The following DOCK1 variants were observed in gnomAD, a reference collection of about 807,000 sequenced individuals.
DOCK1 encodes the protein dedicator of cytokinesis 1, also known as dedicator of cytokinesis protein 1.
DOCK1 carries 138 observed loss-of-function variants against 262.7 expected under a neutral mutation model. The ratio of observed to expected loss-of-function variants is 0.53; its 90% CI spans 0.46 to 0.61. The LOEUF is 0.61. Among genes scored for constraint, DOCK1 ranks in the 20% least tolerant of loss-of-function variants. The pLI, the probability that DOCK1 is intolerant of heterozygous loss-of-function variation, is 0.00. For missense variants in DOCK1, 1,908 were observed against 2,370.7 expected, an observed-to-expected ratio of 0.80 and a Z score of 4.05; for synonymous variants, 866 against 867.4, an observed-to-expected ratio of 1.00 and a Z score of 0.03.
At chr10:127,304,500 C>T (rs1316591966) in intron 29 of DOCK1, among the ~76,000 whole-genome samples, 4 of 152,072 alleles carry the variant, frequency 2.6e-5, no homozygotes, top group African/African-American at 9.7e-5. Context: ...TAGGAGGAAT[C>T]CCCCACAGAG....
rs76283009 is a variant in DOCK1 at position 127,288,393 on chromosome 10, C to T, written c.3044+30964C>T. 7.0e-3 allele frequency among the ~76,000 whole-genome samples: 1,070 copies of T among 152,250 alleles called. 7 individuals are homozygous for T. Among genetic ancestry groups the T allele is most frequent in the Non-Finnish European group, 0.01 (702 of 68,006 alleles). On this transcript the variant is annotated intron_variant, in intron 29 of 51. Transcript: ENST00000623213. ...GGAAGTGGTATTTAGAAATCATAAT[C>T]TGGACAACGAGGGTGCTCACTGCAA...
chr10:127,240,020 T>C (rs138373023), intron 27 of DOCK1, among the ~76,000 whole-genome samples: 364 of 152,280 alleles, frequency 2.4e-3, no homozygotes, highest in Middle Eastern at 6.8e-3. Context: ...GATCCAGATA[T>C]TCCCTTTTGG....
chr10:127,402,810 C>G (rs568518384), intron 38 of DOCK1: 1 of 625,436 alleles, frequency 1.6e-6, no homozygotes, highest in Admixed American at 1.8e-5. Context: ...ACTGCTGTTA[C>G]CATGGCCAGA....
rs2034653788 is a variant in DOCK1 at position 126,937,770 on chromosome 10, A to G, written c.46+32207A>G. Among the ~76,000 whole-genome samples, 3 of 152,038 alleles carry G rather than the reference A, an allele frequency of 2.0e-5. No individual in the cohort carries two copies. In the East Asian group the frequency reaches 5.8e-4, roughly 29 times the overall value. On this transcript the variant is annotated intron_variant, in intron 1 of 51. Coordinates refer to ENST00000623213, the MANE Select transcript of DOCK1 (RefSeq NM_001290223.2). ...AGCCCTTAGTGGATATAGGATTTGG[A>G]AATATTTTATCCCATTCTGTGGTGT... is the stretch of plus-strand genomic sequence containing the variant.
intron 2 of DOCK1, among the ~76,000 whole-genome samples, chr10:126,976,448 G>T (rs751082577): frequency 7.9e-5 from 12 of 152,084 alleles, no homozygotes; most frequent in Non-Finnish European, 1.6e-4. Flanking sequence ...CATCCCTTGG[G>T]GATTCTGCTC....
rs796628441 is a variant in DOCK1 at position 127,343,814 on chromosome 10, C to G, written c.3224+68C>G. 7.9e-6 allele frequency: 10 copies of G among 1,258,070 alleles called. No individual in the cohort carries two copies. In the South Asian group the frequency reaches 1.4e-4, roughly 18 times the overall value. The allele number at this position is 1,258,070 out of a possible 1,614,324, so 77.9% of individuals were successfully genotyped here. ...AACTCTAATCGCATAATTTTCATGT[C>G]ATTTCTAAGCCAACTTGATACAAAT... On this transcript the variant is annotated intron_variant, in intron 31 of 51. Coordinates refer to ENST00000623213, the MANE Select transcript of DOCK1 (RefSeq NM_001290223.2).
At chr10:127,247,600 A>G (rs2134778785) in intron 27 of DOCK1, among the ~76,000 whole-genome samples, 2 of 152,250 alleles carry the variant, frequency 1.3e-5, no homozygotes, top group African/African-American at 4.8e-5. Context: ...AAAGTATTTC[A>G]AGCTTATTTT....
chr10:127,145,890 C>T lies in DOCK1; in HGVS notation c.2847+18126C>T, dbSNP rs138423800. Reference sequence around the variant, plus strand: ...TGTGTCATCTGGTGTCACCAGTGACCGGTCTAAACGTCAGCCTGTGCATTC... The same window carrying T: ...TGTGTCATCTGGTGTCACCAGTGACTGGTCTAAACGTCAGCCTGTGCATTC... On this transcript the variant is annotated intron_variant, in intron 27 of 51. Transcript: ENST00000623213. 1,370 of 435,230 alleles carry T rather than the reference C, an allele frequency of 3.1e-3. 12 individuals are homozygous for T. The Middle Eastern group carries it at 0.037, about 12-fold the overall frequency. 27.0% of individuals were successfully genotyped at this position (435,230 alleles called of 1,614,324 possible). A position where few individuals can be genotyped will look rare whatever the true frequency, so the allele number is the denominator to read the frequency against.
At chr10:127,432,088 C>T (rs186582361) in intron 47 of DOCK1, among the ~76,000 whole-genome samples, 1 of 152,214 alleles carries the variant, frequency 6.6e-6, no homozygotes, top group Non-Finnish European at 1.5e-5. Flanking sequence ...GCAACAGTTT[C>T]ATCCTGAAAC....
At chr10:127,047,218 T>C (rs1260076978) in intron 21 of DOCK1, among the ~76,000 whole-genome samples, 2 of 152,152 alleles carry the variant, frequency 1.3e-5, no homozygotes, top group Non-Finnish European at 2.9e-5. Context: ...ATTTGATGAG[T>C]CAGTAATGGT....
At chr10:127,230,694 T>A (rs962741906) in intron 27 of DOCK1, among the ~76,000 whole-genome samples, 1 of 152,200 alleles carries the variant, frequency 6.6e-6, no homozygotes, top group South Asian at 2.1e-4. Context: ...AAAAATCTGG[T>A]AGTCTGATGC....
At chr10:127,040,257 GAT>G (rs1346329517) in intron 19 of DOCK1, among the ~76,000 whole-genome samples, 6 of 152,236 alleles carry the variant, frequency 3.9e-5, no homozygotes, top group Admixed American at 3.9e-4. Context: ...AAGTGGTACA[GAT>G]CCACATAGTT....
chr10:126,909,977 T>C (rs11245224), intron 1 of DOCK1, among the ~76,000 whole-genome samples: 112,087 of 152,084 alleles, frequency 0.74, 41,833 homozygotes, highest in African/African-American at 0.81. Context: ...GTGAGGAGCC[T>C]GACTTGCGTG....
At chr10:127,137,089 A>G (rs888295120) in intron 27 of DOCK1, 1 of 152,566 alleles carries the variant, frequency 6.6e-6, no homozygotes, top group Non-Finnish European at 1.5e-5. Context: ...AATAGCTCTG[A>G]CCCTGTCTAC....
In DOCK1 at chr10:127,386,088, C is replaced by T. The variant is rs183167833; in HGVS notation, c.3927+1179C>T. ...GGCTGCCCCTTTTTGTGGCTGTTGA[C>T]GTAAACCAAACCCCATTGAAAACAA... On this transcript the variant is annotated intron_variant, in intron 38 of 51. Coordinates refer to ENST00000623213, the MANE Select transcript of DOCK1 (RefSeq NM_001290223.2). Among the ~76,000 whole-genome samples, 14 of 152,258 alleles carry T rather than the reference C, an allele frequency of 9.2e-5. No individual in the cohort carries two copies. In the East Asian group the frequency reaches 9.7e-4, roughly 11 times the overall value.
rs1006762925 is a variant in DOCK1 at position 127,091,564 on chromosome 10, T to G, written c.2446-14667T>G. 8.2e-4 allele frequency among the ~76,000 whole-genome samples: 125 copies of G among 152,214 alleles called. 1 individual carries two copies. The highest frequency in any genetic ancestry group is 5.2e-4 in the Admixed American group (8 of 15,284). ...TCAAGGTCCAAGGAATCAAAGCTCATGCTGTGTTTGCTCCTGAGCAGGAGA... is the reference window on the plus strand; with the variant it reads ...TCAAGGTCCAAGGAATCAAAGCTCAGGCTGTGTTTGCTCCTGAGCAGGAGA... On this transcript the variant is annotated intron_variant, in intron 23 of 51. Transcript: ENST00000623213.
chr10:126,922,602 A>G (rs75131340), intron 1 of DOCK1, among the ~76,000 whole-genome samples: 18,399 of 152,180 alleles, frequency 0.12, 1,298 homozygotes, highest in African/African-American at 0.19. Flanking sequence ...CATCTTCAAC[A>G]TTGGGGATCA....
At chr10:127,183,724 AAC>A (rs2055953355) in intron 27 of DOCK1, among the ~76,000 whole-genome samples, 2 of 152,210 alleles carry the variant, frequency 1.3e-5, no homozygotes, top group Non-Finnish European at 2.9e-5. Flanking sequence ...TAGCATTCAT[AAC>A]ACAAAATGTC....
intron 28 of DOCK1, among the ~76,000 whole-genome samples, chr10:127,249,200 C>T (rs1177884770): frequency 6.6e-6 from 1 of 151,950 alleles, no homozygotes; most frequent in Non-Finnish European, 1.5e-5. Context: ...AGAGAATGAT[C>T]TGTATGAGTT....
Sources: gnomAD v4.1 joint callset for allele counts (sites outside exome capture counted in the v4.1 genomes callset) on GRCh38, gnomAD v4.1.1 for gene constraint, MANE v1.5 for transcripts, NCBI Gene and HGNC (gene_info 2026-07-23, HGNC 2026-07-21) for gene names.